ETV6: variants seen among roughly 807,000 people sequenced by gnomAD.
ETV6 encodes the protein transcription factor ETV6.
ETV6 carries 16 observed loss-of-function variants against 51.1 expected under a neutral mutation model. That is an observed-to-expected ratio of 0.31 (90% CI 0.21 to 0.48). The LOEUF is 0.48. ETV6 is among the 20% of genes least tolerant of loss of function. The pLI is 0.99. For synonymous variants in ETV6, 240 were observed against 224.1 expected (o/e 1.07, Z -0.64); for missense variants, 458 against 594.8 (o/e 0.77, Z 2.39).
chr12:11,799,615 C>T (rs76811183), intron 2 of ETV6, among the ~76,000 whole-genome samples: 51 of 152,228 alleles, frequency 3.4e-4, no homozygotes, highest in African/African-American at 1.2e-3. Flanking sequence ...TTGATAAGCA[C>T]AATCAAAACC....
At chr12:11,670,670 T>C (rs1198601263) in intron 1 of ETV6, among the ~76,000 whole-genome samples, 2 of 152,168 alleles carry the variant, frequency 1.3e-5, no homozygotes, top group Non-Finnish European at 2.9e-5. Flanking sequence ...TGAGTATAAC[T>C]GGGGAGAAGA....
At chr12:11,742,827 G>A (rs534559993) in intron 1 of ETV6, among the ~76,000 whole-genome samples, 2 of 112,214 alleles carry the variant, frequency 1.8e-5, no homozygotes, top group Non-Finnish European at 3.5e-5. Flanking sequence ...TTTTTTTGGA[G>A]ACAGCATCTT....
At position 11,719,304 on chromosome 12, in the gene ETV6, A is replaced by G. The variant is rs184946460; in HGVS notation, c.34-33146A>G. ...TGAAGGAAATGTGGTCCTTGCCCCA[A>G]GTTATCTCACAGTCCCTTTGGGCAA... On this transcript the variant is annotated intron_variant, in intron 1 of 7. Transcript: ENST00000396373. Among the ~76,000 whole-genome samples the G allele has an allele frequency of 9.2e-5, 14 of 152,374 alleles. No individual in the cohort carries two copies. The East Asian group carries it at 2.7e-3, about 29-fold the overall frequency.
At chr12:11,836,594 T>G (rs1215023947) in intron 2 of ETV6, among the ~76,000 whole-genome samples, 3 of 152,204 alleles carry the variant, frequency 2.0e-5, no homozygotes, top group Non-Finnish European at 4.4e-5. Context: ...CAGAGCTGTT[T>G]GGAGTGTGAC....
chr12:11,819,619 G>C lies in ETV6; in HGVS notation c.164-19521G>C, dbSNP rs983659784. Among the ~76,000 whole-genome samples the C allele has an allele frequency of 2.6e-5, 4 of 152,192 alleles. No homozygotes were observed. In the East Asian group the frequency reaches 7.7e-4, roughly 29 times the overall value. On this transcript the variant is annotated intron_variant, in intron 2 of 7. Coordinates refer to ENST00000396373, the MANE Select transcript of ETV6 (RefSeq NM_001987.5). ...AATCCATCCTCTGTGGGATGAGATG[G>C]GCGGGCCCCTCTATTCATCTAGTTT...
chr12:11,766,426 C>A (rs1945161606), intron 2 of ETV6, among the ~76,000 whole-genome samples: 1 of 152,014 alleles, frequency 6.6e-6, no homozygotes, highest in Non-Finnish European at 1.5e-5. Flanking sequence ...CTATTATACT[C>A]CCTCACAGAA....
chr12:11,766,837 G>T (rs969192285), intron 2 of ETV6, among the ~76,000 whole-genome samples: 2 of 152,182 alleles, frequency 1.3e-5, no homozygotes, highest in African/African-American at 4.8e-5. Context: ...GGCAGTAAAT[G>T]TAAGTGCTAT....
At chr12:11,846,872 G>GTT (rs1333879318) in intron 3 of ETV6, among the ~76,000 whole-genome samples, 1 of 152,110 alleles carries the variant, frequency 6.6e-6, no homozygotes, top group African/African-American at 2.4e-5. Flanking sequence ...GTTTGTTTTT[G>GTT]TTTGTTTTGT....
At chr12:11,813,218 G>A (rs1374221788) in intron 2 of ETV6, among the ~76,000 whole-genome samples, 23 of 152,222 alleles carry the variant, frequency 1.5e-4, no homozygotes, top group Admixed American at 1.5e-3. Flanking sequence ...ATTGGACTGA[G>A]AAGAGAACCA....
intron 2 of ETV6, among the ~76,000 whole-genome samples, chr12:11,807,575 TG>T (rs1268523749): frequency 2.0e-5 from 3 of 152,090 alleles, no homozygotes; most frequent in Admixed American, 6.5e-5. Flanking sequence ...TGTTGAAAAG[TG>T]GGTAAGAAGG....
chr12:11,728,774 AT>A (rs1341560073), intron 1 of ETV6, among the ~76,000 whole-genome samples: 6 of 152,250 alleles, frequency 3.9e-5, no homozygotes. Context: ...GACATCTATA[AT>A]TAAAGGAAAC....
At chr12:11,735,479 TAAAC>T (rs1270328315) in intron 1 of ETV6, among the ~76,000 whole-genome samples, 1 of 152,170 alleles carries the variant, frequency 6.6e-6, no homozygotes, top group African/African-American at 2.4e-5. Context: ...GTCACCCTAA[TAAAC>T]AAACTACTTA....
rs139160458 is a variant in ETV6, at chr12:11,774,587, A to G, written c.163+22008A>G. ...CCCGAAGCACCTTTCCCTCCTCCCA[A>G]GAGGAATAAACAAATGTAAATAAAT... On this transcript the variant is annotated intron_variant, in intron 2 of 7. Transcript: ENST00000396373. Among the ~76,000 whole-genome samples the G allele has an allele frequency of 6.8e-3, 1,041 of 152,282 alleles. 10 individuals are homozygous for G. Among genetic ancestry groups the G allele is most frequent in the African/African-American group, 0.024 (990 of 41,552 alleles).
chr12:11,758,944 G>A (rs979105372), intron 2 of ETV6, among the ~76,000 whole-genome samples: 2 of 151,996 alleles, frequency 1.3e-5, no homozygotes, highest in African/African-American at 2.4e-5. Context: ...TACTTTCCCC[G>A]CGGCACATGT....
At chr12:11,659,889 G>A (rs1387903422) in intron 1 of ETV6, among the ~76,000 whole-genome samples, 1 of 152,192 alleles carries the variant, frequency 6.6e-6, no homozygotes, top group Non-Finnish European at 1.5e-5. Context: ...GTGTGGCCTG[G>A]AAGAGTGCCG....
chr12:11,728,309 C>A (rs946260141), intron 1 of ETV6, among the ~76,000 whole-genome samples: 9 of 152,212 alleles, frequency 5.9e-5, no homozygotes, highest in African/African-American at 1.9e-4. Context: ...GGGTCCCCAA[C>A]CCCCAGACCG....
At chr12:11,725,777 C>T (rs1359467129) in intron 1 of ETV6, among the ~76,000 whole-genome samples, 1 of 152,148 alleles carries the variant, frequency 6.6e-6, no homozygotes, top group African/African-American at 2.4e-5. Flanking sequence ...CCTGGTACCT[C>T]CCCCTGCCTC....
chr12:11,753,059 A>G (rs1384127684), intron 2 of ETV6, among the ~76,000 whole-genome samples: 1 of 151,418 alleles, frequency 6.6e-6, no homozygotes, highest in Non-Finnish European at 1.5e-5. Context: ...TGTGCTGGCT[A>G]CTTTTCTTCC....
Position 11,895,136 on chromosome 12 carries a change from T to G in ETV6, c.*4090T>G. On this transcript the variant is annotated 3_prime_UTR_variant, in exon 8 of 8. Coordinates refer to ENST00000396373, the MANE Select transcript of ETV6 (RefSeq NM_001987.5). ...ATCTTTCACACATGCCAAGTGAACA[T>G]TCTTGATGATTTCTCTTTGTGACCG... The G allele has an allele frequency of 4.3e-6, 1 of 233,312 alleles. No individual in the cohort carries two copies. Among genetic ancestry groups the G allele is most frequent in the Non-Finnish European group, 8.5e-6 (1 of 117,818 alleles). The allele number at this position is 233,312 out of a possible 1,614,324, so 14.5% of individuals were successfully genotyped here.
Sources: gnomAD v4.1 joint callset for allele counts (sites outside exome capture counted in the v4.1 genomes callset) on GRCh38, gnomAD v4.1.1 for gene constraint, MANE v1.5 for transcripts, NCBI Gene and HGNC (gene_info 2026-07-23, HGNC 2026-07-21) for gene names.